Variants in OAT observed in about 807,000 individuals in gnomAD.
OAT encodes the protein ornithine aminotransferase.
In OAT, 35 loss-of-function variants were observed where a neutral mutation model predicts 48.4. The ratio of observed to expected loss-of-function variants is 0.72; its 90% CI spans 0.55 to 0.96. OAT has a LOEUF of 0.96. Ranked by LOEUF, OAT falls within the 40% of genes least tolerant of loss-of-function variation. OAT has a pLI of 0.00. For missense variants in OAT, 438 were observed against 537.9 expected (o/e 0.81, Z 1.84); for synonymous variants, 182 against 198.4 (o/e 0.92, Z 0.70).
chr10:124,408,284 AGTGTGTGTGTGTGT>A (rs71026082), intron 4 of OAT, among the ~76,000 whole-genome samples: 2 of 81,266 alleles, frequency 2.5e-5, no homozygotes, highest in Admixed American at 3.8e-4. Context: ...AAAATATATA[AGTGTGTGTGTGTGT>A]GTGTGTGTGT....
intron 6 of OAT, 95 bp from the exon 7 acceptor site, chr10:124,403,150 A>G: frequency 2.2e-6 from 3 of 1,351,498 alleles, no homozygotes; most frequent in South Asian, 1.2e-5. Flanking sequence ...CCAACAATAA[A>G]TGTGTAATTC....
chr10:124,409,064 T>C, intron 2 of OAT, 99 bp from the exon 3 acceptor site: 1 of 768,030 alleles, frequency 1.3e-6, no homozygotes, highest in Non-Finnish European at 2.2e-6. Flanking sequence ...TGCCTATATA[T>C]GAACCTCTAT....
In OAT at chr10:124,412,023, T is replaced by C. The variant is rs936463102; in HGVS notation, c.149A>G (p.Tyr50Cys). 7 of 1,614,126 alleles carry C rather than the reference T, an allele frequency of 4.3e-6. No homozygotes were observed. Among genetic ancestry groups the C allele is most frequent in the Admixed American group, 3.3e-5 (2 of 60,008 alleles). Reference protein sequence around the residue: ...SDDIFEREYKYGAHNYHPLPV... With the variant: ...SDDIFEREYKCGAHNYHPLPV... ...TAAAGGATGGTAGTTGTGTGCACCA[T>C]ACTTATATTCCCTTTCAAAAATGTC... Residue 50 changes from tyrosine (Y) to cysteine (C), a missense_variant, in exon 2 of 10, where the codon TAT (tyrosine) becomes TGT (cysteine). Coordinates refer to ENST00000368845, the MANE Select transcript of OAT (RefSeq NM_000274.4).
Position 124,412,074 on chromosome 10 carries a change from G to GT in OAT, c.97dup (p.Thr33AsnfsTer9), listed in dbSNP as rs1375779674. 22 of 1,613,978 alleles carry GT rather than the reference G, an allele frequency of 1.4e-5. No individual in the cohort carries two copies. Among genetic ancestry groups the GT allele is most frequent in the Non-Finnish European group, 1.7e-5 (20 of 1,180,006 alleles). On this transcript the variant is annotated frameshift_variant, in exon 2 of 10. Coordinates refer to ENST00000368845, the MANE Select transcript of OAT (RefSeq NM_000274.4). LOFTEE classifies it high-confidence loss of function. ...ATCAGAGGTTGGAGGGCCTTGGACT[G>GT]TTTTTTTAGTTGCAACAGATGTAGC...
intron 5 of OAT, among the ~76,000 whole-genome samples, chr10:124,405,043 CA>C (rs1471750326): frequency 6.6e-6 from 1 of 151,666 alleles, no homozygotes; most frequent in South Asian, 2.1e-4. Flanking sequence ...GACTCTGTCT[CA>C]AAAAAAGAAA....
At chr10:124,406,203 G>T (rs2134467540) in intron 4 of OAT, 1 of 844,990 alleles carries the variant, frequency 1.2e-6, no homozygotes, top group African/African-American at 1.8e-5. Context: ...TAGATGTTGG[G>T]GAATAGACCA....
At position 124,403,785 on chromosome 10, in the gene OAT, C is replaced by T. The variant is rs542247579; in HGVS notation, c.771+13G>A. On this transcript the variant is annotated intron_variant, in intron 6 of 9. Transcript: ENST00000368845. ...CGACATTCAGCCTTATCACAAACAG[C>T]TAACGTGACAACCTGGTGCCTGGTG... 16 of 1,614,106 alleles carry T rather than the reference C, an allele frequency of 9.9e-6. No individual in the cohort carries two copies. In the South Asian group the frequency reaches 1.8e-4, roughly 18 times the overall value.
rs561800688 is a variant in OAT at position 124,400,990 on chromosome 10, T to C, written c.1015-6A>G. 558 of 1,605,654 alleles carry C rather than the reference T, an allele frequency of 3.5e-4. 4 individuals are homozygous for C. The Middle Eastern group carries it at 4.5e-3, about 13-fold the overall frequency. On this transcript the variant is annotated splice_region_variant and splice_polypyrimidine_tract_variant and intron_variant, in intron 8 of 9. Transcript: ENST00000368845. ...AGGTTTTCTTCTTCTAAAACCTACG[T>C]TTAAAGAAAAATTATACAAATATTA...
Position 124,403,059 on chromosome 10 carries a change from T to C in OAT, c.772-4A>G, listed in dbSNP as rs777129550. 26 of 1,613,760 alleles carry C rather than the reference T, an allele frequency of 1.6e-5. No individual in the cohort carries two copies. The highest frequency in any genetic ancestry group is 2.1e-5 in the Non-Finnish European group (25 of 1,180,004). ...TTTCATCAGCAATAAAGAGAACCTATTGGGGAAAAAAAATACCCCTATTAG... is the reference window on the plus strand; with the variant it reads ...TTTCATCAGCAATAAAGAGAACCTACTGGGGAAAAAAAATACCCCTATTAG... On this transcript the variant is annotated splice_region_variant and splice_polypyrimidine_tract_variant and intron_variant, in intron 6 of 9. Transcript: ENST00000368845.
chr10:124,411,949 A>G (rs2134490215), intron 2 of OAT, 24 bp downstream of exon 2: 1 of 1,607,510 alleles, frequency 6.2e-7, no homozygotes, highest in Non-Finnish European at 8.5e-7. Context: ...GAAAAGGGAA[A>G]AGACGGATTA....
chr10:124,418,422 T>A lies in OAT; in HGVS notation c.-30+451A>T, dbSNP rs1331762472. 2.0e-5 allele frequency among the ~76,000 whole-genome samples: 3 copies of A among 152,098 alleles called. No individual in the cohort carries two copies. The East Asian group carries it at 5.8e-4, about 29-fold the overall frequency. On this transcript the variant is annotated intron_variant, in intron 1 of 9. Coordinates refer to ENST00000368845, the MANE Select transcript of OAT (RefSeq NM_000274.4). ...CAGGAACCAAGGGTGCCCAAAGGCCTCCTACCCGGAACCCCGGGGCGCCTC... is the reference window on the plus strand; with the variant it reads ...CAGGAACCAAGGGTGCCCAAAGGCCACCTACCCGGAACCCCGGGGCGCCTC...
chr10:124,414,655 C>G (rs1469411037), intron 1 of OAT, among the ~76,000 whole-genome samples: 1 of 152,168 alleles, frequency 6.6e-6, no homozygotes, highest in Non-Finnish European at 1.5e-5. Context: ...TGTATGATTT[C>G]TTTCTTGGAC....
chr10:124,412,971 A>G (rs1951803721), intron 1 of OAT, among the ~76,000 whole-genome samples: 1 of 152,190 alleles, frequency 6.6e-6, no homozygotes, highest in Non-Finnish European at 1.5e-5. Flanking sequence ...ACCAAATCAG[A>G]GAAGACTGCC....
chr10:124,404,309 C>T (rs956605043), intron 5 of OAT, among the ~76,000 whole-genome samples: 1 of 151,498 alleles, frequency 6.6e-6, no homozygotes, highest in Non-Finnish European at 1.5e-5. Context: ...ACTCTGTCAC[C>T]CAGGCTGGAG....
At chr10:124,401,632 T>G (rs1215462182) in intron 8 of OAT, 94 bp downstream of exon 8, 5 of 820,608 alleles carry the variant, frequency 6.1e-6, no homozygotes, top group Non-Finnish European at 1.0e-5. Context: ...TTGGCATTCT[T>G]ATTGAATTTT....
At chr10:124,407,763 C>T (rs1046696067) in intron 4 of OAT, among the ~76,000 whole-genome samples, 3 of 152,196 alleles carry the variant, frequency 2.0e-5, no homozygotes, top group African/African-American at 4.8e-5. Context: ...CAGAACCTCT[C>T]ATTTGAATAT....
At chr10:124,418,392 A>C (rs12263562) in intron 1 of OAT, among the ~76,000 whole-genome samples, 1 of 152,024 alleles carries the variant, frequency 6.6e-6, no homozygotes, top group Non-Finnish European at 1.5e-5. Flanking sequence ...CCTCCCCGCC[A>C]ACCCCAGGAA....
chr10:124,406,291 G>A (rs1468422841), intron 4 of OAT: 2 of 184,296 alleles, frequency 1.1e-5, no homozygotes. Context: ...AGGAGTTCAA[G>A]ACCAGCCTGG....
intron 6 of OAT, 77 bp from the exon 7 acceptor site, chr10:124,403,132 T>TC: frequency 6.7e-7 from 1 of 1,490,348 alleles, no homozygotes; most frequent in Non-Finnish European, 9.4e-7. Flanking sequence ...TATTTCACTG[T>TC]CCCCCCACCA....
Sources: allele counts gnomAD v4.1 joint callset (sites outside exome capture counted in the v4.1 genomes callset), GRCh38; gene constraint gnomAD v4.1.1; transcripts MANE v1.5; gene names NCBI Gene and HGNC (gene_info 2026-07-23, HGNC 2026-07-21).